Variants in TAFA1 observed in about 807,000 individuals in gnomAD.
TAFA1 encodes the protein TAFA chemokine like family member 1.
Under a neutral mutation model 18.5 loss-of-function variants are expected in TAFA1, and 4 were observed. The observed-to-expected ratio is 0.22, with a 90% confidence interval of 0.11 to 0.49. The LOEUF is 0.49. Ranked by LOEUF, TAFA1 falls within the 20% of genes least tolerant of loss-of-function variation. TAFA1 has a pLI of 0.98. For missense variants in TAFA1, 147 were observed against 169.0 expected (o/e 0.87, Z 0.72); for synonymous variants, 56 against 55.2 (o/e 1.01, Z -0.06).
intron 2 of TAFA1, among the ~76,000 whole-genome samples, chr3:68,285,317 G>A (rs1270925293): frequency 6.6e-6 from 1 of 152,120 alleles, no homozygotes; most frequent in Non-Finnish European, 1.5e-5. Context: ...GAGGGTGAAA[G>A]TGTTGTAAGT....
intron 2 of TAFA1, among the ~76,000 whole-genome samples, chr3:68,412,376 C>A (rs2070734849): frequency 6.6e-6 from 1 of 150,414 alleles, no homozygotes; most frequent in Admixed American, 6.6e-5. Context: ...GATATATATT[C>A]TTTTATTATT....
At chr3:68,098,614 G>A (rs981912857) in intron 2 of TAFA1, among the ~76,000 whole-genome samples, 3 of 152,112 alleles carry the variant, frequency 2.0e-5, no homozygotes, top group South Asian at 2.1e-4. Context: ...GGGCAGAGAC[G>A]GACTTATGCA....
intron 3 of TAFA1, among the ~76,000 whole-genome samples, chr3:68,449,533 T>C (rs375642885): frequency 6.6e-6 from 1 of 152,160 alleles, no homozygotes; most frequent in East Asian, 1.9e-4. Context: ...AATTTACATA[T>C]GTGTTGGCCC....
intron 2 of TAFA1, among the ~76,000 whole-genome samples, chr3:68,306,782 A>G (rs1168813458): frequency 3.9e-5 from 6 of 152,124 alleles, no homozygotes; most frequent in African/African-American, 1.2e-4. Flanking sequence ...TCTCCCCTAC[A>G]CAGGAGCAGG....
intron 2 of TAFA1, among the ~76,000 whole-genome samples, chr3:68,276,638 A>C (rs1412789054): frequency 1.3e-5 from 2 of 152,200 alleles, no homozygotes; most frequent in Non-Finnish European, 2.9e-5. Context: ...GTTTCTGATG[A>C]GACATCCATC....
intron 2 of TAFA1, among the ~76,000 whole-genome samples, chr3:68,181,056 G>A (rs1000058304): frequency 6.6e-6 from 1 of 152,118 alleles, no homozygotes; most frequent in Admixed American, 6.6e-5. Context: ...TTTGGCCAAC[G>A]GTCAGCAAAA....
rs558553605 is a variant in TAFA1, at chr3:68,184,289, A to G, written c.118+177545A>G. Among the ~76,000 whole-genome samples, 8 of 152,274 alleles carry G rather than the reference A, an allele frequency of 5.3e-5. No individual in the cohort carries two copies. In the South Asian group the frequency reaches 1.2e-3, roughly 24 times the overall value. On this transcript the variant is annotated intron_variant, in intron 2 of 4. Transcript: ENST00000478136. The stretch of plus-strand genomic sequence containing the variant: ...ATGAAATAGATCACCTCCACAAGTT[A>G]CATGACAGCGATTTCAAAGCATTCT...
intron 2 of TAFA1, among the ~76,000 whole-genome samples, chr3:68,406,531 T>C (rs1040594664): frequency 1.2e-4 from 19 of 152,200 alleles, no homozygotes; most frequent in African/African-American, 3.9e-4. Context: ...TTCCAGAGAC[T>C]AATATTGACA....
At chr3:68,271,123 C>A (rs2067658119) in intron 2 of TAFA1, among the ~76,000 whole-genome samples, 1 of 151,980 alleles carries the variant, frequency 6.6e-6, no homozygotes, top group Non-Finnish European at 1.5e-5. Context: ...CAAATTCTAC[C>A]CCACCCTGCC....
At chr3:68,013,764 A>G (rs1704518271) in intron 2 of TAFA1, among the ~76,000 whole-genome samples, 1 of 152,142 alleles carries the variant, frequency 6.6e-6, no homozygotes, top group African/African-American at 2.4e-5. Context: ...CACTTAGGGA[A>G]CTCTGTTGGC....
At chr3:67,994,102 T>A in the TAFA1 span, among the ~76,000 whole-genome samples, 96 of 152,280 alleles carry the variant, frequency 6.3e-4, no homozygotes, top group Non-Finnish European at 1.2e-3. Flanking sequence ...TATCTATAAG[T>A]TTTGGGTGTG....
At chr3:68,465,144 A>G (rs1215284608) in intron 3 of TAFA1, among the ~76,000 whole-genome samples, 1 of 152,144 alleles carries the variant, frequency 6.6e-6, no homozygotes, top group African/African-American at 2.4e-5. Context: ...AGGGGAGAGG[A>G]GCAGAGATCA....
At chr3:68,082,123 C>G (rs1382837025) in intron 2 of TAFA1, among the ~76,000 whole-genome samples, 1 of 152,226 alleles carries the variant, frequency 6.6e-6, no homozygotes, top group Non-Finnish European at 1.5e-5. Flanking sequence ...AGGGAACTCC[C>G]TGACCCCTTG....
At chr3:68,158,450 C>A (rs1262483876) in intron 2 of TAFA1, among the ~76,000 whole-genome samples, 4 of 151,928 alleles carry the variant, frequency 2.6e-5, no homozygotes, top group African/African-American at 9.7e-5. Flanking sequence ...ATATACATTT[C>A]TCTTTATTGA....
intron 2 of TAFA1, among the ~76,000 whole-genome samples, chr3:68,288,894 A>G (rs1353390919): frequency 6.6e-6 from 1 of 152,228 alleles, no homozygotes; most frequent in Non-Finnish European, 1.5e-5. Context: ...TTTCAAAGAT[A>G]AAAATGACTA....
At chr3:68,120,225 CT>C (rs1286323953) in intron 2 of TAFA1, among the ~76,000 whole-genome samples, 8 of 125,074 alleles carry the variant, frequency 6.4e-5, no homozygotes, top group Non-Finnish European at 1.2e-4. Flanking sequence ...TTCTTTCTTT[CT>C]TTCTTTCTTT....
chr3:68,477,180 T>C (rs1246192248), intron 3 of TAFA1, among the ~76,000 whole-genome samples: 2 of 151,928 alleles, frequency 1.3e-5, no homozygotes, highest in African/African-American at 4.8e-5. Flanking sequence ...ATATATATAG[T>C]ATATACTCTT....
chr3:68,497,888 T>C (rs1198708273), intron 3 of TAFA1, among the ~76,000 whole-genome samples: 1 of 152,154 alleles, frequency 6.6e-6, no homozygotes, highest in African/African-American at 2.4e-5. Context: ...AGTGATGGCA[T>C]GGATAGAGAA....
chr3:68,036,015 G>T (rs1385978879), intron 2 of TAFA1, among the ~76,000 whole-genome samples: 1 of 152,182 alleles, frequency 6.6e-6, no homozygotes, highest in Non-Finnish European at 1.5e-5. Context: ...TTGAGGGTAG[G>T]CATTGACTAC....
Sources: allele counts gnomAD v4.1 joint callset (sites outside exome capture counted in the v4.1 genomes callset), GRCh38; gene constraint gnomAD v4.1.1; transcripts MANE v1.5; gene names NCBI Gene and HGNC (gene_info 2026-07-23, HGNC 2026-07-21).